Variants in CFAP44 observed in about 807,000 individuals in gnomAD.
CFAP44 encodes cilia- and flagella-associated protein 44.
A neutral mutation model predicts 216.2 loss-of-function variants in CFAP44; 134 were observed. The ratio of observed to expected loss-of-function variants is 0.62; its 90% CI spans 0.54 to 0.72. The LOEUF (loss-of-function observed/expected upper bound fraction) is 0.72. CFAP44 is among the 30% of genes least tolerant of loss of function. The probability of loss-of-function intolerance (pLI) is 0.00; values close to 1 mark genes in which losing one functional copy is unlikely to be tolerated. For missense variants in CFAP44, 2,035 were observed against 2,182.1 expected, an observed-to-expected ratio of 0.93 and a Z score of 1.34; for synonymous variants, 700 against 727.6, an observed-to-expected ratio of 0.96 and a Z score of 0.61.
chr3:113,398,839 T>C (rs1158299585), intron 13 of CFAP44, among the ~76,000 whole-genome samples: 2 of 152,196 alleles, frequency 1.3e-5, no homozygotes, highest in Non-Finnish European at 2.9e-5. Flanking sequence ...TGGCTGCAAA[T>C]CTTTGATGGG....
At chr3:113,394,213 T>C (rs1207168717) in intron 15 of CFAP44, among the ~76,000 whole-genome samples, 1 of 152,184 alleles carries the variant, frequency 6.6e-6, no homozygotes, top group Non-Finnish European at 1.5e-5. Flanking sequence ...TTTTTTCATA[T>C]GTATAGATTT....
chr3:113,440,920 A>C (rs1334597431), intron 1 of CFAP44, among the ~76,000 whole-genome samples: 1 of 152,258 alleles, frequency 6.6e-6, no homozygotes, highest in Non-Finnish European at 1.5e-5. Context: ...GCACACATGT[A>C]TGCGACTGTC....
At chr3:113,411,867 A>C (rs1002239061) in intron 6 of CFAP44, among the ~76,000 whole-genome samples, 2 of 151,924 alleles carry the variant, frequency 1.3e-5, no homozygotes, top group Non-Finnish European at 2.9e-5. Context: ...CATCCCTTGT[A>C]AGTTGGATTC....
chr3:113,434,800 T>C (rs1288014128), intron 1 of CFAP44: 4 of 152,184 alleles, frequency 2.6e-5, no homozygotes, highest in African/African-American at 9.7e-5. Flanking sequence ...AGAAAAAACT[T>C]TTTACAAGCC....
At chr3:113,296,377 T>C (rs556374857) in intron 33 of CFAP44, among the ~76,000 whole-genome samples, 2 of 152,212 alleles carry the variant, frequency 1.3e-5, no homozygotes, top group African/African-American at 2.4e-5. Context: ...CAATGATTAG[T>C]GATGCTGAGC....
intron 6 of CFAP44, among the ~76,000 whole-genome samples, chr3:113,412,172 G>T (rs1465093517): frequency 1.3e-5 from 2 of 152,126 alleles, no homozygotes; most frequent in African/African-American, 4.8e-5. Flanking sequence ...GGGCAATCAG[G>T]CAAGAGAAAG....
rs140352403 is a variant in CFAP44 at position 113,434,479 on chromosome 3, C to T, written c.-5-810G>A. The T allele has an allele frequency of 1.5e-4, 23 of 152,242 alleles. No homozygotes were observed. The East Asian group carries it at 4.4e-3, about 29-fold the overall frequency. The allele number at this position is 152,242 out of a possible 1,614,324, so 9.4% of individuals were successfully genotyped here. On this transcript the variant is annotated intron_variant, in intron 1 of 34. Transcript: ENST00000393845. ...TCTAAGCTTTGCTAAGAAGTTTATA[C>T]CTTATTTCCTTGACAACTGAAAACC... is the stretch of plus-strand genomic sequence containing the variant.
At position 113,308,423 on chromosome 3, in the gene CFAP44, A is replaced by G. The variant is rs369577399; in HGVS notation, c.4517-155T>C. 2.0e-5 allele frequency among the ~76,000 whole-genome samples: 3 copies of G among 152,226 alleles called. No homozygotes were observed. The East Asian group carries it at 5.8e-4, about 29-fold the overall frequency. On this transcript the variant is annotated intron_variant, in intron 28 of 34. Transcript: ENST00000393845. Reference sequence around the variant, plus strand: ...TTAAGGACACAAAGAACACAAACCCAAATGCCTGCAGAGGGTTGTGCAGTT... The same window carrying G: ...TTAAGGACACAAAGAACACAAACCCGAATGCCTGCAGAGGGTTGTGCAGTT...
rs757256113 is a variant in CFAP44, at chr3:113,291,569, G to A, written c.5553C>T (p.Pro1851=). ...IQSPREKEIQ[P]ADL ...GAAAATAGCAAACTCAAAGGTCTGC[G>A]GGCTGTATCTCTTTCTCTCGTGGAG... Residue 1851 remains proline, a synonymous_variant, in exon 35 of 35, where the codon CCC becomes CCT. Coordinates refer to ENST00000393845, the MANE Select transcript of CFAP44 (RefSeq NM_001164496.2). 3.8e-5 allele frequency: 59 copies of A among 1,537,026 alleles called. No individual in the cohort carries two copies. The Middle Eastern group carries it at 5.0e-4, about 13-fold the overall frequency.
intron 21 of CFAP44, among the ~76,000 whole-genome samples, chr3:113,359,672 G>A (rs1576568414): frequency 6.6e-6 from 1 of 152,142 alleles, no homozygotes; most frequent in Non-Finnish European, 1.5e-5. Context: ...AATTGGCAAA[G>A]TGCTTCTAGA....
rs961707774 is a variant in CFAP44, at chr3:113,291,480, T to C, written c.*77A>G. 2 of 1,450,094 alleles carry C rather than the reference T, an allele frequency of 1.4e-6. No homozygotes were observed. Among genetic ancestry groups the C allele is most frequent in the Non-Finnish European group, 1.8e-6 (2 of 1,084,520 alleles). 89.8% of individuals were successfully genotyped at this position (1,450,094 alleles called of 1,614,324 possible). On this transcript the variant is annotated 3_prime_UTR_variant, in exon 35 of 35. Coordinates refer to ENST00000393845, the MANE Select transcript of CFAP44 (RefSeq NM_001164496.2). ...CGAGTTCAGTTTAAAGTAATAAGATTGTTGGAGGTGATGAGGAGACAGAAC... is the reference window on the plus strand; with the variant it reads ...CGAGTTCAGTTTAAAGTAATAAGATCGTTGGAGGTGATGAGGAGACAGAAC...
rs371489806 is a variant in CFAP44 at position 113,391,493 on chromosome 3, G to A, written c.1890+4257C>T. 6.8e-4 allele frequency among the ~76,000 whole-genome samples: 104 copies of A among 152,176 alleles called. 2 individuals carry two copies. In the Middle Eastern group the frequency reaches 0.01, roughly 15 times the overall value. ...CAACCAAAGCGAAAATGGACAAATG[G>A]AATCACATCAACTTAAAAACCTTCT... On this transcript the variant is annotated intron_variant, in intron 15 of 34. Transcript: ENST00000393845.
intron 15 of CFAP44, among the ~76,000 whole-genome samples, chr3:113,389,648 T>C (rs1186851330): frequency 6.6e-6 from 1 of 151,510 alleles, no homozygotes; most frequent in Non-Finnish European, 1.5e-5. Flanking sequence ...CTAAAATATA[T>C]GAAATCAAAG....
intron 8 of CFAP44, among the ~76,000 whole-genome samples, chr3:113,406,061 T>C (rs1013126409): frequency 2.6e-5 from 4 of 152,220 alleles, no homozygotes; most frequent in African/African-American, 9.6e-5. Flanking sequence ...TAGGAAGCTA[T>C]GTAAAATATT....
intron 32 of CFAP44, among the ~76,000 whole-genome samples, chr3:113,298,873 T>C (rs1050344519): frequency 2.6e-5 from 4 of 151,840 alleles, no homozygotes; most frequent in Admixed American, 2.0e-4. Context: ...GGATATGGAG[T>C]TTGGGAAGAT....
At chr3:113,320,505 T>A (rs1361182467) in intron 28 of CFAP44, among the ~76,000 whole-genome samples, 1 of 120,732 alleles carries the variant, frequency 8.3e-6, no homozygotes, top group African/African-American at 3.1e-5. Flanking sequence ...AATATATATC[T>A]AGATATACAG....
intron 6 of CFAP44, among the ~76,000 whole-genome samples, chr3:113,410,251 T>G (rs752863847): frequency 6.6e-6 from 1 of 152,180 alleles, no homozygotes; most frequent in Non-Finnish European, 1.5e-5. Context: ...CTTCACCCAT[T>G]AACTCAACAT....
rs546716111 is a variant in CFAP44 at position 113,287,860 on chromosome 3, A to T, written c.*3697T>A. 6.6e-6 allele frequency: 1 copy of T among 152,366 alleles called. No homozygotes were observed. The highest frequency in any genetic ancestry group is 6.5e-5 in the Admixed American group (1 of 15,310). The allele number at this position is 152,366 out of a possible 1,614,324, so 9.4% of individuals were successfully genotyped here. ...CACACATGGACATATGGTGCATAAT[A>T]AATTCACTTCCCTTCTTTCCAAAGA... On this transcript the variant is annotated 3_prime_UTR_variant, in exon 35 of 35. Coordinates refer to ENST00000393845, the MANE Select transcript of CFAP44 (RefSeq NM_001164496.2).
chr3:113,298,684 A>G (rs1213270794), intron 32 of CFAP44, among the ~76,000 whole-genome samples: 1 of 152,266 alleles, frequency 6.6e-6, no homozygotes, highest in Non-Finnish European at 1.5e-5. Flanking sequence ...GACACATGCT[A>G]CAACACGGAT....
Sources: allele counts gnomAD v4.1 joint callset (sites outside exome capture counted in the v4.1 genomes callset), GRCh38; gene constraint gnomAD v4.1.1; transcripts MANE v1.5; gene names NCBI Gene and HGNC (gene_info 2026-07-23, HGNC 2026-07-21).